The following DLC1 variants were observed in gnomAD, a reference collection of about 807,000 sequenced individuals.
DLC1 encodes rho GTPase-activating protein 7.
Under a neutral mutation model 140.3 loss-of-function variants are expected in DLC1, and 54 were observed. That is an observed-to-expected ratio of 0.38 (90% CI 0.31 to 0.48). The LOEUF (loss-of-function observed/expected upper bound fraction) is 0.48, where lower values mean the gene tolerates loss of function less well. Among genes scored for constraint, DLC1 ranks in the 20% least tolerant of loss-of-function variants. The pLI is 0.96. For synonymous variants in DLC1, 986 were observed against 728.1 expected, an observed-to-expected ratio of 1.35 and a Z score of -5.70; for missense variants, 2,536 against 1,907.0, an observed-to-expected ratio of 1.33 and a Z score of -6.14.
At position 13,457,759 on chromosome 8, in the gene DLC1, T is replaced by C. The variant is rs187842712; in HGVS notation, c.1023+41290A>G. On this transcript the variant is annotated intron_variant, in intron 2 of 17. Transcript: ENST00000276297. ...GGAGTCAGGTGGTTTAGTTCAATGA[T>C]GCAATTTAGCAGCCCTGATTCCCGA... 6.0e-5 allele frequency among the ~76,000 whole-genome samples: 9 copies of C among 151,124 alleles called. No homozygotes were observed. In the East Asian group the frequency reaches 1.8e-3, roughly 29 times the overall value.
At position 13,585,290 on chromosome 8, in the gene DLC1, A is replaced by G. The variant is rs533870721; in HGVS notation, c.-126+19247T>C. ...TAAAGAATGAAGAAATAGGCCTAGCATGGTGGCTTACACCTGTAATCCCAG... is the reference window on the plus strand; with the variant it reads ...TAAAGAATGAAGAAATAGGCCTAGCGTGGTGGCTTACACCTGTAATCCCAG... On this transcript the variant is annotated intron_variant, in intron 1 of 1. Transcript: ENST00000631382. Among the ~76,000 whole-genome samples, 3 of 152,292 alleles carry G rather than the reference A, an allele frequency of 2.0e-5. No individual in the cohort carries two copies. In the South Asian group the frequency reaches 6.2e-4, roughly 32 times the overall value.
chr8:13,092,522 G>A, intron 13 of DLC1, 90 bp downstream of exon 13: 1 of 1,423,938 alleles, frequency 7.0e-7, no homozygotes, highest in Non-Finnish European at 9.6e-7. Flanking sequence ...CTTGTTTCAG[G>A]AAAGAGTCCC....
intron 5 of DLC1, among the ~76,000 whole-genome samples, chr8:13,141,757 T>C (rs1310910538): frequency 6.6e-6 from 1 of 152,244 alleles, no homozygotes; most frequent in African/African-American, 2.4e-5. Context: ...AGAATGGAGC[T>C]GCCGTCTATC....
chr8:13,551,095 A>AC (rs1803833985), intron 1 of DLC1, among the ~76,000 whole-genome samples: 1 of 125,410 alleles, frequency 8.0e-6, no homozygotes, highest in South Asian at 2.8e-4. Context: ...TTTTCCAAAG[A>AC]ACACTTTGTG....
chr8:13,437,357 A>G (rs555932489), intron 2 of DLC1, among the ~76,000 whole-genome samples: 10 of 152,332 alleles, frequency 6.6e-5, no homozygotes, highest in African/African-American at 2.2e-4. Context: ...GATTTCTTCT[A>G]TTCCTAAGAC....
rs947971332 is a variant in DLC1 at position 13,115,485 on chromosome 8, T to C, written c.1420+101A>G. On this transcript the variant is annotated intron_variant, in intron 6 of 17. Coordinates refer to ENST00000276297, the MANE Select transcript of DLC1 (RefSeq NM_182643.3). ...AACATTTTTTTTAAAAATAAAACAT[T>C]TAAACGATAAAACTGCTGAAAATAA... The C allele has an allele frequency of 5.8e-5, 66 of 1,146,384 alleles. No individual in the cohort carries two copies. In the African/African-American group the frequency reaches 9.9e-4, roughly 17 times the overall value. The allele number at this position is 1,146,384 out of a possible 1,614,324, so 71.0% of individuals were successfully genotyped here.
In DLC1 at chr8:13,397,391, A is replaced by G. The variant is rs544482543; in HGVS notation, c.1174-3698T>C. Among the ~76,000 whole-genome samples, 6 of 152,322 alleles carry G rather than the reference A, an allele frequency of 3.9e-5. No homozygotes were observed. In the South Asian group the frequency reaches 1.2e-3, roughly 32 times the overall value. ...ATAGAAGGAAAAATGGAGAGCAGCC[A>G]GAAGCCAGGAGAGCAGTGAAAGTCA... On this transcript the variant is annotated intron_variant, in intron 3 of 17. Transcript: ENST00000276297.
chr8:13,458,784 A>G (rs1239071594), intron 2 of DLC1, among the ~76,000 whole-genome samples: 1 of 152,104 alleles, frequency 6.6e-6, no homozygotes, highest in African/African-American at 2.4e-5. Context: ...CATATGTGTA[A>G]TATAAAATAA....
chr8:13,443,160 C>A, intron 2 of DLC1, among the ~76,000 whole-genome samples: 1 of 135,930 alleles, frequency 7.4e-6, no homozygotes, highest in East Asian at 2.1e-4. Flanking sequence ...ACAATGAGAA[C>A]ACATGGACAC....
intron 2 of DLC1, among the ~76,000 whole-genome samples, chr8:13,413,375 C>A (rs931313144): frequency 2.0e-5 from 3 of 149,034 alleles, no homozygotes; most frequent in African/African-American, 5.0e-5. Flanking sequence ...AGATTGAACA[C>A]CCCTGCTGTA....
At chr8:13,245,459 T>G (rs1829725725) in intron 5 of DLC1, among the ~76,000 whole-genome samples, 2 of 152,190 alleles carry the variant, frequency 1.3e-5, no homozygotes, top group African/African-American at 2.4e-5. Context: ...GCAGCAATAG[T>G]AAAACAATGC....
chr8:13,185,807 G>A (rs1563146739), intron 5 of DLC1, among the ~76,000 whole-genome samples: 1 of 152,260 alleles, frequency 6.6e-6, no homozygotes, highest in South Asian at 2.1e-4. Context: ...TCCATGTTTA[G>A]TGCTTCCTTC....
chr8:13,162,319 G>T lies in DLC1; in HGVS notation c.1349-46662C>A, dbSNP rs569947376. On this transcript the variant is annotated intron_variant, in intron 5 of 17. Transcript: ENST00000276297. ...TGATGGTAGTCTACAGTTTGTTGTT[G>T]TTGTTGTTGTTGTTGTTTTTGAGAT... Among the ~76,000 whole-genome samples, 555 of 152,142 alleles carry T rather than the reference G, an allele frequency of 3.6e-3. 6 individuals are homozygous for T. The highest frequency in any genetic ancestry group is 0.012 in the African/African-American group (513 of 41,524).
At chr8:13,355,686 T>C (rs1023932457) in intron 4 of DLC1, among the ~76,000 whole-genome samples, 1 of 152,208 alleles carries the variant, frequency 6.6e-6, no homozygotes, top group African/African-American at 2.4e-5. Flanking sequence ...GTTCATTCCA[T>C]TGCACAATCA....
chr8:13,278,720 G>T (rs908909722), intron 5 of DLC1, among the ~76,000 whole-genome samples: 3 of 152,076 alleles, frequency 2.0e-5, no homozygotes, highest in Non-Finnish European at 4.4e-5. Flanking sequence ...CGTGCAAAGT[G>T]ACTGACTATA....
chr8:13,373,037 A>G (rs1179765229), intron 4 of DLC1, among the ~76,000 whole-genome samples: 3 of 152,048 alleles, frequency 2.0e-5, no homozygotes, highest in Non-Finnish European at 4.4e-5. Flanking sequence ...TATTTTTGAG[A>G]CAGGGTCTCA....
chr8:13,345,897 A>T (rs1294382936), intron 4 of DLC1, among the ~76,000 whole-genome samples: 6 of 152,148 alleles, frequency 3.9e-5, no homozygotes, highest in Non-Finnish European at 7.3e-5. Flanking sequence ...AAGCATAAAA[A>T]AGGTAGTTTT....
At chr8:13,316,316 A>T (rs1257839301) in intron 4 of DLC1, among the ~76,000 whole-genome samples, 1 of 152,204 alleles carries the variant, frequency 6.6e-6, no homozygotes, top group Non-Finnish European at 1.5e-5. Flanking sequence ...CAGGTACAGC[A>T]GTTTTGTCCT....
Position 13,100,399 on chromosome 8 carries a change from C to T in DLC1, c.1938G>A (p.Leu646=). Residue 646 remains leucine (L), a synonymous_variant, in exon 9 of 18, where the codon CTG becomes CTA. Coordinates refer to ENST00000276297, the MANE Select transcript of DLC1 (RefSeq NM_182643.3). ...CTTTCATGCTGAAGCTGAAGCTGGA[C>T]AGTTCCTTGGGAGAGGGCAGGCTGC... is the stretch of plus-strand genomic sequence containing the variant. ...SFGSLPSPKE[L]SSFSFSMKGH... 1 of 1,614,138 alleles carries T rather than the reference C, an allele frequency of 6.2e-7. No individual in the cohort carries two copies. Among genetic ancestry groups the T allele is most frequent in the Non-Finnish European group, 8.5e-7 (1 of 1,180,008 alleles).
Sources: gnomAD v4.1 joint callset for allele counts (sites outside exome capture counted in the v4.1 genomes callset) on GRCh38, gnomAD v4.1.1 for gene constraint, MANE v1.5 for transcripts, NCBI Gene and HGNC (gene_info 2026-07-23, HGNC 2026-07-21) for gene names.